Variants in GABRA4 observed in about 807,000 individuals in gnomAD.
GABRA4 encodes gamma-aminobutyric acid type A receptor subunit alpha4, also known as gamma-aminobutyric acid receptor subunit alpha-4.
A neutral mutation model predicts 49.7 loss-of-function variants in GABRA4; 12 were observed. That is an observed-to-expected ratio of 0.24 (90% confidence interval 0.15 to 0.39). The LOEUF is 0.39. Among genes scored for constraint, GABRA4 ranks in the 10% least tolerant of loss-of-function variants. GABRA4 has a pLI of 1.00. For synonymous variants in GABRA4, 288 were observed against 240.2 expected (o/e 1.20, Z -1.84); for missense variants, 506 against 686.0 (o/e 0.74, Z 2.93).
At chr4:46,932,881 T>C (rs1235008101) in intron 8 of GABRA4, among the ~76,000 whole-genome samples, 1 of 152,158 alleles carries the variant, frequency 6.6e-6, no homozygotes, top group Non-Finnish European at 1.5e-5. Context: ...TGGAGACCTG[T>C]CCATTCATTA....
At chr4:46,974,870 C>A (rs181198250) in intron 5 of GABRA4, among the ~76,000 whole-genome samples, 1 of 152,042 alleles carries the variant, frequency 6.6e-6, no homozygotes, top group East Asian at 2.0e-4. Flanking sequence ...CCTGGGGTCA[C>A]CTGTTCCAAA....
chr4:46,929,542 A>T (rs1322554935), intron 8 of GABRA4, among the ~76,000 whole-genome samples: 1 of 152,094 alleles, frequency 6.6e-6, no homozygotes, highest in Non-Finnish European at 1.5e-5. Context: ...TGTTTGTAGA[A>T]CAAGATTATA....
chr4:46,924,625 G>T lies in GABRA4; in HGVS notation c.*3600C>A, dbSNP rs565539557. 1.3e-5 allele frequency: 2 copies of T among 152,130 alleles called. No individual in the cohort carries two copies. The highest frequency in any genetic ancestry group is 4.8e-5 in the African/African-American group (2 of 41,552). 9.4% of individuals were successfully genotyped at this position (152,130 alleles called of 1,614,324 possible). Reference sequence around the variant, plus strand: ...AAAGAATACAGTCTTCCCTGGGGAAGAATATACTTTATCTAAATGGAGAGA... The same window carrying T: ...AAAGAATACAGTCTTCCCTGGGGAATAATATACTTTATCTAAATGGAGAGA... On this transcript the variant is annotated 3_prime_UTR_variant, in exon 9 of 9. Transcript: ENST00000264318.
chr4:46,992,897 C>T lies in GABRA4; in HGVS notation c.136G>A (p.Glu46Lys), dbSNP rs753918159. ...QNQKEEKLCTENFTRILDSLL... is the reference protein window; with the variant it reads ...QNQKEEKLCTKNFTRILDSLL... ...CTGTCCAGGATGCGGGTGAAATTTTCTGTGCACAATTTCTCCTCCTTTTGG... is the reference window on the plus strand; with the variant it reads ...CTGTCCAGGATGCGGGTGAAATTTTTTGTGCACAATTTCTCCTCCTTTTGG... Residue 46 changes from glutamate to lysine, a missense_variant, in exon 2 of 9, where the codon GAA becomes AAA. By Grantham distance (56) the Glu-to-Lys change is moderately conservative. Transcript: ENST00000264318. 8.7e-6 allele frequency: 14 copies of T among 1,612,762 alleles called. No homozygotes were observed. In the East Asian group the frequency reaches 2.9e-4, roughly 33 times the overall value.
intron 2 of GABRA4, among the ~76,000 whole-genome samples, chr4:46,984,008 G>A (rs1723446927): frequency 6.6e-6 from 1 of 152,046 alleles, no homozygotes; most frequent in African/African-American, 2.4e-5. Context: ...AACTTGCTGG[G>A]AAAGAGGGAA....
intron 7 of GABRA4, among the ~76,000 whole-genome samples, chr4:46,966,421 G>A (rs1722754320): frequency 6.6e-6 from 1 of 151,826 alleles, no homozygotes; most frequent in Non-Finnish European, 1.5e-5. Context: ...CAATATTAAA[G>A]GAATAAGGTA....
intron 8 of GABRA4, among the ~76,000 whole-genome samples, chr4:46,940,978 G>T (rs1010070241): frequency 1.3e-5 from 2 of 152,038 alleles, no homozygotes; most frequent in East Asian, 3.9e-4. Context: ...AGACTATTTT[G>T]CATGTTCTAC....
intron 8 of GABRA4, among the ~76,000 whole-genome samples, chr4:46,931,751 A>G (rs578108732): frequency 3.2e-4 from 48 of 152,294 alleles, no homozygotes; most frequent in Non-Finnish European, 6.3e-4. Context: ...TGACACCACC[A>G]CCATAAGAAC....
chr4:46,943,044 TA>T (rs2109349707), intron 8 of GABRA4, among the ~76,000 whole-genome samples: 1 of 152,272 alleles, frequency 6.6e-6, no homozygotes, highest in East Asian at 1.9e-4. Flanking sequence ...ATTCTTCAGA[TA>T]TTTATTGAGT....
intron 4 of GABRA4, 39 bp downstream of exon 4, chr4:46,977,368 AAAG>A (rs771548305): frequency 8.8e-7 from 1 of 1,138,374 alleles, no homozygotes; most frequent in Non-Finnish European, 1.3e-6. Context: ...GAAAGAAAGA[AAAG>A]AATAAAAAAG....
In GABRA4 at chr4:46,947,302, C is replaced by T. The variant is rs568944997; in HGVS notation, c.1134+17668G>A. Reference sequence around the variant, plus strand: ...CTAAGGCACTTGATCACATCACACACGCCGTCTGTGGAAGGTCTGGGCATA... The same window carrying T: ...CTAAGGCACTTGATCACATCACACATGCCGTCTGTGGAAGGTCTGGGCATA... On this transcript the variant is annotated intron_variant, in intron 8 of 8. Coordinates refer to ENST00000264318, the MANE Select transcript of GABRA4 (RefSeq NM_000809.4). 6.0e-4 allele frequency among the ~76,000 whole-genome samples: 92 copies of T among 152,124 alleles called. 2 individuals carry two copies. In the South Asian group the frequency reaches 8.5e-3, roughly 14 times the overall value.
At chr4:46,957,990 T>A (rs9291301) in intron 8 of GABRA4, among the ~76,000 whole-genome samples, 56,353 of 151,748 alleles carry the variant, frequency 0.37, 10,982 homozygotes, top group East Asian at 0.6. Context: ...TATATTGGGC[T>A]TATTATCTTC....
At chr4:46,971,489 A>G (rs1358381760) in intron 6 of GABRA4, among the ~76,000 whole-genome samples, 2 of 151,542 alleles carry the variant, frequency 1.3e-5, no homozygotes, top group Admixed American at 1.3e-4. Flanking sequence ...ACTTTTAAAA[A>G]TGTTCTGTAG....
chr4:46,922,886 A>G lies in GABRA4; in HGVS notation c.*5339T>C, dbSNP rs905468427. The G allele has an allele frequency of 6.6e-6, 1 of 152,164 alleles. No individual in the cohort carries two copies. The highest frequency in any genetic ancestry group is 2.4e-5 in the African/African-American group (1 of 41,442). The allele number at this position is 152,164 out of a possible 1,614,324, so 9.4% of individuals were successfully genotyped here. ...CCCAACCCCTGGGCCACTGACCAGTACTTATCCATGACCTGTTAGGAATTG... is the reference window on the plus strand; with the variant it reads ...CCCAACCCCTGGGCCACTGACCAGTGCTTATCCATGACCTGTTAGGAATTG... On this transcript the variant is annotated 3_prime_UTR_variant, in exon 9 of 9. Coordinates refer to ENST00000264318, the MANE Select transcript of GABRA4 (RefSeq NM_000809.4).
At chr4:46,947,081 A>C (rs1242579103) in intron 8 of GABRA4, among the ~76,000 whole-genome samples, 1 of 152,024 alleles carries the variant, frequency 6.6e-6, no homozygotes, top group South Asian at 2.1e-4. Context: ...GACACAACAT[A>C]GATTGCCAAA....
rs1248385083 is a variant in GABRA4 at position 46,923,630 on chromosome 4, AT to A, written c.*4594del. 1 of 152,168 alleles carries A rather than the reference AT, an allele frequency of 6.6e-6. No individual in the cohort carries two copies. The highest frequency in any genetic ancestry group is 1.5e-5 in the Non-Finnish European group (1 of 68,016). The allele number at this position is 152,168 out of a possible 1,614,324, so 9.4% of individuals were successfully genotyped here. On this transcript the variant is annotated 3_prime_UTR_variant, in exon 9 of 9. Coordinates refer to ENST00000264318, the MANE Select transcript of GABRA4 (RefSeq NM_000809.4). ...CAAAGTTTAAGACAGGAAAGAAAAA[AT>A]AAGAGATCTCAACTGTTCCACTACC...
intron 2 of GABRA4, 177 bp downstream of exon 2, chr4:46,992,651 A>C: frequency 1.7e-6 from 1 of 603,604 alleles, no homozygotes; most frequent in Non-Finnish European, 3.0e-6. Context: ...GAGATGGGAA[A>C]GTACGGGTGG....
chr4:46,949,372 T>C (rs1267499964), intron 8 of GABRA4, among the ~76,000 whole-genome samples: 1 of 152,098 alleles, frequency 6.6e-6, no homozygotes. Flanking sequence ...TAGAAGACCA[T>C]CTTTTACATT....
At chr4:46,947,505 G>A (rs1439772192) in intron 8 of GABRA4, among the ~76,000 whole-genome samples, 1 of 151,640 alleles carries the variant, frequency 6.6e-6, no homozygotes, top group Non-Finnish European at 1.5e-5. Flanking sequence ...AAATTTATAG[G>A]GGAAGGAAGA....
Sources: allele counts gnomAD v4.1 joint callset (sites outside exome capture counted in the v4.1 genomes callset), GRCh38; gene constraint gnomAD v4.1.1; transcripts MANE v1.5; gene names NCBI Gene and HGNC (gene_info 2026-07-23, HGNC 2026-07-21).